ATP9B: variants seen among roughly 807,000 people sequenced by gnomAD.
The protein encoded by ATP9B is probable phospholipid-transporting ATPase IIB.
In ATP9B, 110 loss-of-function variants were observed where a neutral mutation model predicts 146.1. The observed-to-expected ratio is 0.75, with a 90% CI of 0.65 to 0.88. The LOEUF is 0.88. Ranked by LOEUF, ATP9B falls within the 40% of genes least tolerant of loss-of-function variation. The probability of loss-of-function intolerance (pLI) is 0.00; values close to 1 mark genes in which losing one functional copy is unlikely to be tolerated. For synonymous variants in ATP9B, 604 were observed against 569.7 expected (o/e 1.06, Z -0.86); for missense variants, 1,499 against 1,496.4 (o/e 1.00, Z -0.03).
At chr18:79,142,478 AGAGGG>A (rs2094525551) in intron 5 of ATP9B, among the ~76,000 whole-genome samples, 1 of 152,162 alleles carries the variant, frequency 6.6e-6, no homozygotes, top group African/African-American at 2.4e-5. Context: ...TAGCTAGGAG[AGAGGG>A]TGAAATTAGA....
Position 79,193,262 on chromosome 18 carries a change from G to T in ATP9B, c.953G>T (p.Arg318Met). 6.2e-7 allele frequency: 1 copy of T among 1,602,446 alleles called. No individual in the cohort carries two copies. Among genetic ancestry groups the T allele is most frequent in the South Asian group, 1.1e-5 (1 of 90,790 alleles). ...DIHSFEGTFT[R>M]EDSDPPIHES... ...CACAGTTTCGAAGGCACATTTACCA[G>T]GGTAAGTTAAACCTGTTGTTCAATA... The change falls in exon 9 of 30, where the codon AGG becomes ATG. Residue 318 changes from arginine (R) to methionine (M), a missense_variant and splice_region_variant. By Grantham distance (91) the Arg-to-Met change is moderately conservative. Coordinates refer to ENST00000426216, the MANE Select transcript of ATP9B (RefSeq NM_198531.5).
chr18:79,361,538 C>G (rs1243222075), intron 26 of ATP9B: 1 of 147,310 alleles, frequency 6.8e-6, no homozygotes, highest in African/African-American at 2.5e-5. Flanking sequence ...TTTTTTTGGT[C>G]AAGAATGCAG....
At chr18:79,124,895 G>C (rs568918366) in intron 4 of ATP9B, among the ~76,000 whole-genome samples, 77 of 152,256 alleles carry the variant, frequency 5.1e-4, no homozygotes, top group African/African-American at 1.6e-3. Context: ...TAGAGAATTA[G>C]GCCATCAGTG....
At chr18:79,273,263 G>A (rs983784216) in intron 12 of ATP9B, among the ~76,000 whole-genome samples, 1 of 152,190 alleles carries the variant, frequency 6.6e-6, no homozygotes, top group Non-Finnish European at 1.5e-5. Flanking sequence ...CCGGAGAGAG[G>A]TCTAAACTAG....
chr18:79,277,379 T>TTC (rs2096324025), intron 13 of ATP9B, 183 bp downstream of exon 13: 1 of 624,050 alleles, frequency 1.6e-6, no homozygotes, highest in East Asian at 2.9e-5. Context: ...CTTAATCATC[T>TTC]TCTAGTATAC....
chr18:79,097,209 G>C (rs2146778344), intron 2 of ATP9B, among the ~76,000 whole-genome samples: 1 of 150,530 alleles, frequency 6.6e-6, no homozygotes, highest in South Asian at 2.1e-4. Flanking sequence ...GCTAATGCAT[G>C]ATAGAATTAA....
intron 6 of ATP9B, among the ~76,000 whole-genome samples, chr18:79,149,841 G>C (rs1028214687): frequency 1.3e-5 from 2 of 152,134 alleles, no homozygotes; most frequent in Non-Finnish European, 2.9e-5. Context: ...CCAGCACTTT[G>C]GGAGGTCGAA....
intron 5 of ATP9B, among the ~76,000 whole-genome samples, chr18:79,131,354 C>G (rs554292422): frequency 6.6e-6 from 1 of 152,222 alleles, no homozygotes; most frequent in South Asian, 2.1e-4. Context: ...AGAAAATAGG[C>G]AAAGGACCTG....
intron 2 of ATP9B, among the ~76,000 whole-genome samples, chr18:79,106,642 G>T (rs1387448549): frequency 6.6e-6 from 1 of 152,142 alleles, no homozygotes; most frequent in East Asian, 1.9e-4. Context: ...AAAATTATTA[G>T]TAGCACAGTG....
intron 15 of ATP9B, among the ~76,000 whole-genome samples, chr18:79,317,515 GAT>G (rs1453309822): frequency 4.6e-5 from 7 of 152,150 alleles, no homozygotes; most frequent in Non-Finnish European, 1.5e-5. Flanking sequence ...CACCAAAAGA[GAT>G]ATGAATATTG....
At chr18:79,130,363 A>C (rs1238878813) in intron 5 of ATP9B, among the ~76,000 whole-genome samples, 2 of 152,150 alleles carry the variant, frequency 1.3e-5, no homozygotes, top group Non-Finnish European at 2.9e-5. Context: ...ACACCAAAGA[A>C]ACAGTGAACT....
intron 11 of ATP9B, among the ~76,000 whole-genome samples, chr18:79,243,253 A>G (rs1248417160): frequency 6.6e-6 from 1 of 152,240 alleles, no homozygotes; most frequent in Non-Finnish European, 1.5e-5. Context: ...GGTGTTTCAG[A>G]CATTGGTCAG....
intron 2 of ATP9B, among the ~76,000 whole-genome samples, chr18:79,101,647 C>T (rs1201339209): frequency 2.0e-5 from 3 of 152,150 alleles, no homozygotes; most frequent in East Asian, 3.9e-4. Flanking sequence ...TTTACATTTG[C>T]ACTAGCAGTG....
chr18:79,208,901 C>T (rs2095559106), intron 10 of ATP9B, among the ~76,000 whole-genome samples: 1 of 152,222 alleles, frequency 6.6e-6, no homozygotes, highest in Non-Finnish European at 1.5e-5. Flanking sequence ...GAGGACTCTT[C>T]TGGGGTGGAC....
At chr18:79,369,755 C>T (rs916512364) in intron 26 of ATP9B, among the ~76,000 whole-genome samples, 11 of 152,176 alleles carry the variant, frequency 7.2e-5, no homozygotes, top group African/African-American at 1.2e-4. Context: ...TGCTTCCGTA[C>T]GAATAACTGT....
chr18:79,347,898 C>T lies in ATP9B; in HGVS notation c.2811C>T (p.His937=). Residue 937 remains histidine (H), a synonymous_variant, in exon 24 of 30, where the codon CAC becomes CAT. Coordinates refer to ENST00000426216, the MANE Select transcript of ATP9B (RefSeq NM_198531.5). ...CGGCACTCGGCCAGTTCGTCATGCACAGGGGCCTTATCATCTCCACCATGC... is the reference window on the plus strand; with the variant it reads ...CGGCACTCGGCCAGTTCGTCATGCATAGGGGCCTTATCATCTCCACCATGC... ...RSAALGQFVM[H]RGLIISTMQA... 1.9e-6 allele frequency: 3 copies of T among 1,613,500 alleles called. No individual in the cohort carries two copies. Among genetic ancestry groups the T allele is most frequent in the Non-Finnish European group, 2.5e-6 (3 of 1,179,866 alleles).
intron 26 of ATP9B, among the ~76,000 whole-genome samples, chr18:79,368,935 G>GC (rs1193881736): frequency 6.6e-6 from 1 of 151,802 alleles, no homozygotes; most frequent in Non-Finnish European, 1.5e-5. Flanking sequence ...CGCGTGCAGA[G>GC]CCCCAGTTAA....
At chr18:79,090,715 C>T (rs966970053) in intron 1 of ATP9B, among the ~76,000 whole-genome samples, 3 of 151,976 alleles carry the variant, frequency 2.0e-5, no homozygotes, top group African/African-American at 4.8e-5. Context: ...CAAATATTTT[C>T]CCCCATTCTG....
At chr18:79,337,127 C>A in intron 18 of ATP9B, 152 bp from the exon 19 acceptor site, 2 of 1,086,484 alleles carry the variant, frequency 1.8e-6, no homozygotes, top group Non-Finnish European at 2.7e-6. Context: ...ACAGCCCATG[C>A]AGTCCAGCTC....
Sources: allele counts gnomAD v4.1 joint callset (sites outside exome capture counted in the v4.1 genomes callset), GRCh38; gene constraint gnomAD v4.1.1; transcripts MANE v1.5; gene names NCBI Gene and HGNC (gene_info 2026-07-23, HGNC 2026-07-21).